STT3B: variants seen among roughly 807,000 people sequenced by gnomAD.
STT3B encodes STT3 oligosaccharyltransferase complex catalytic subunit B.
STT3B carries 29 observed loss-of-function variants against 96.8 expected under a neutral mutation model. The ratio of observed to expected loss-of-function variants is 0.30; its 90% CI spans 0.22 to 0.41. The LOEUF is 0.41. STT3B is among the 10% of genes least tolerant of loss of function. The pLI, the probability that STT3B is intolerant of heterozygous loss-of-function variation, is 1.00. For missense variants in STT3B, 640 were observed against 1,022.3 expected (o/e 0.63, Z 5.10); for synonymous variants, 367 against 360.0 (o/e 1.02, Z -0.22).
intron 1 of STT3B, among the ~76,000 whole-genome samples, chr3:31,557,605 T>C (rs1164140450): frequency 6.6e-6 from 1 of 151,406 alleles, no homozygotes; most frequent in African/African-American, 2.4e-5. Flanking sequence ...TTAAATTTAT[T>C]TCTAGGTATA....
intron 12 of STT3B, 104 bp downstream of exon 12, chr3:31,625,189 C>A: frequency 2.0e-6 from 2 of 1,005,312 alleles, no homozygotes; most frequent in Non-Finnish European, 2.9e-6. Context: ...AAGTACTCTG[C>A]TGAATTCTCA....
intron 1 of STT3B, among the ~76,000 whole-genome samples, chr3:31,575,545 G>C (rs1257778240): frequency 6.6e-6 from 1 of 152,002 alleles, no homozygotes; most frequent in Non-Finnish European, 1.5e-5. Context: ...GTGATTGTTG[G>C]AGTTGAGATC....
chr3:31,549,374 A>G (rs1485528421), intron 1 of STT3B, among the ~76,000 whole-genome samples: 1 of 151,770 alleles, frequency 6.6e-6, no homozygotes, highest in African/African-American at 2.4e-5. Context: ...TATGATAGTT[A>G]AGTTCTCAGG....
intron 1 of STT3B, among the ~76,000 whole-genome samples, chr3:31,574,464 T>C (rs1698222541): frequency 6.6e-6 from 1 of 152,136 alleles, no homozygotes; most frequent in South Asian, 2.1e-4. Flanking sequence ...GTCACTTCCA[T>C]GGTGGTGGTT....
At chr3:31,627,209 A>G (rs1160917219) in intron 13 of STT3B, among the ~76,000 whole-genome samples, 1 of 152,130 alleles carries the variant, frequency 6.6e-6, no homozygotes, top group African/African-American at 2.4e-5. Context: ...GTGAGCGATC[A>G]TTGCCGCCTG....
intron 1 of STT3B, among the ~76,000 whole-genome samples, chr3:31,553,765 T>C (rs1697628046): frequency 6.6e-6 from 1 of 152,230 alleles, no homozygotes; most frequent in Non-Finnish European, 1.5e-5. Flanking sequence ...AGGTATCCTT[T>C]AGTACCCCCT....
chr3:31,626,204 A>C (rs1393356192), intron 13 of STT3B, 77 bp downstream of exon 13: 1 of 1,323,428 alleles, frequency 7.6e-7, no homozygotes, highest in African/African-American at 1.5e-5. Flanking sequence ...TGCTAATTGC[A>C]TTGTATTTGT....
At chr3:31,596,973 C>T (rs754959594) in intron 4 of STT3B, 110 bp downstream of exon 4, 13 of 785,800 alleles carry the variant, frequency 1.7e-5, no homozygotes, top group Non-Finnish European at 2.3e-5. Context: ...TGTAATCTTT[C>T]ATTACTACCA....
At chr3:31,563,123 T>C (rs1194098332) in intron 1 of STT3B, among the ~76,000 whole-genome samples, 1 of 152,210 alleles carries the variant, frequency 6.6e-6, no homozygotes, top group African/African-American at 2.4e-5. Flanking sequence ...TTGCTTTTGA[T>C]GCTTCCCATC....
chr3:31,632,480 C>T (rs1398494526), intron 14 of STT3B, among the ~76,000 whole-genome samples: 1 of 152,086 alleles, frequency 6.6e-6, no homozygotes, highest in Non-Finnish European at 1.5e-5. Flanking sequence ...AGTCACTAAT[C>T]TCAAGAAAAT....
Position 31,623,878 on chromosome 3 carries a change from G to A in STT3B, c.1727+17G>A, listed in dbSNP as rs1419139023. 1.9e-6 allele frequency: 3 copies of A among 1,548,958 alleles called. No homozygotes were observed. The highest frequency in any genetic ancestry group is 2.6e-6 in the Non-Finnish European group (3 of 1,138,640). ...TCATGATGGGTAAGAAAATAACTCG[G>A]ATACAAAAACATTTTATACTTACAC... On this transcript the variant is annotated intron_variant, in intron 11 of 15. Coordinates refer to ENST00000295770, the MANE Select transcript of STT3B (RefSeq NM_178862.3).
chr3:31,569,546 AAG>A (rs1347045946), intron 1 of STT3B, among the ~76,000 whole-genome samples: 1 of 152,170 alleles, frequency 6.6e-6, no homozygotes, highest in Non-Finnish European at 1.5e-5. Flanking sequence ...CCAAAAGTAA[AAG>A]ACCATAATGA....
chr3:31,550,535 C>T (rs1051738125), intron 1 of STT3B, among the ~76,000 whole-genome samples: 1 of 152,134 alleles, frequency 6.6e-6, no homozygotes, highest in African/African-American at 2.4e-5. Flanking sequence ...TGAGTCTTTC[C>T]CTTCAGAGTT....
chr3:31,609,467 G>A (rs1213018954), intron 5 of STT3B, among the ~76,000 whole-genome samples: 1 of 152,128 alleles, frequency 6.6e-6, no homozygotes, highest in Non-Finnish European at 1.5e-5. Flanking sequence ...ATTAAACATT[G>A]CCAGAATTAA....
intron 1 of STT3B, among the ~76,000 whole-genome samples, chr3:31,565,690 A>G (rs1326710820): frequency 6.6e-6 from 1 of 152,180 alleles, no homozygotes; most frequent in Non-Finnish European, 1.5e-5. Flanking sequence ...TTGTTTGGTA[A>G]AACCAACAAT....
intron 7 of STT3B, 76 bp downstream of exon 7, chr3:31,617,151 T>A: frequency 8.5e-7 from 1 of 1,176,198 alleles, no homozygotes; most frequent in Non-Finnish European, 1.1e-6. Flanking sequence ...GTTTCTAAAA[T>A]CTGAATAACA....
chr3:31,618,900 ATACAGTTAT>A (rs1699369909), intron 8 of STT3B, among the ~76,000 whole-genome samples: 1 of 152,030 alleles, frequency 6.6e-6, no homozygotes, highest in South Asian at 2.1e-4. Context: ...AAAATAAATT[ATACAGTTAT>A]ATATAACTGT....
intron 7 of STT3B, among the ~76,000 whole-genome samples, chr3:31,617,619 T>C (rs1390224336): frequency 6.6e-6 from 1 of 152,070 alleles, no homozygotes; most frequent in Admixed American, 6.6e-5. Context: ...TATTTTATTT[T>C]TTTTAAATGA....
At chr3:31,543,969 GAA>G (rs2125436490) in intron 1 of STT3B, among the ~76,000 whole-genome samples, 1 of 152,216 alleles carries the variant, frequency 6.6e-6, no homozygotes, top group South Asian at 2.1e-4. Context: ...AATGAGAAAT[GAA>G]AAAAGACAGA....
Sources: gnomAD v4.1 joint callset for allele counts (sites outside exome capture counted in the v4.1 genomes callset) on GRCh38, gnomAD v4.1.1 for gene constraint, MANE v1.5 for transcripts, NCBI Gene and HGNC (gene_info 2026-07-23, HGNC 2026-07-21) for gene names.